EPB41L4A: variants seen among roughly 807,000 people sequenced by gnomAD.
EPB41L4A encodes band 4.1-like protein 4A.
A neutral mutation model predicts 108.6 loss-of-function variants in EPB41L4A; 100 were observed. The ratio of observed to expected loss-of-function variants is 0.92; its 90% confidence interval spans 0.78 to 1.09. EPB41L4A has a LOEUF of 1.09. Among genes scored for constraint, EPB41L4A ranks in the 50% least tolerant of loss-of-function variants. EPB41L4A has a pLI of 0.00. For missense variants in EPB41L4A, 1,030 were observed against 842.7 expected (o/e 1.22, Z -2.75); for synonymous variants, 319 against 289.0 (o/e 1.10, Z -1.05).
chr5:112,378,527 T>C (rs1759965095), intron 1 of EPB41L4A, among the ~76,000 whole-genome samples: 1 of 152,152 alleles, frequency 6.6e-6, no homozygotes, highest in Non-Finnish European at 1.5e-5. Context: ...TTCCCAGACA[T>C]TGTTTCCTCG....
chr5:112,235,774 G>A (rs1580494758), intron 11 of EPB41L4A, among the ~76,000 whole-genome samples: 1 of 152,174 alleles, frequency 6.6e-6, no homozygotes, highest in African/African-American at 2.4e-5. Flanking sequence ...ATCAGGCTAA[G>A]TTGGGACGTG....
intron 1 of EPB41L4A, among the ~76,000 whole-genome samples, chr5:112,395,836 G>T (rs1028866754): frequency 3.3e-5 from 5 of 152,118 alleles, no homozygotes; most frequent in Admixed American, 2.0e-4. Flanking sequence ...CAAAGACTTG[G>T]AACCAACCCA....
intron 1 of EPB41L4A, among the ~76,000 whole-genome samples, chr5:112,324,871 A>G (rs1756042827): frequency 6.6e-6 from 1 of 151,608 alleles, no homozygotes; most frequent in African/African-American, 2.4e-5. Context: ...AAAACAAATG[A>G]AAAGAATAAA....
chr5:112,380,891 A>G (rs73214239), intron 1 of EPB41L4A, among the ~76,000 whole-genome samples: 1 of 152,070 alleles, frequency 6.6e-6, no homozygotes, highest in Non-Finnish European at 1.5e-5. Context: ...ACTGATATTT[A>G]GAAACCATCC....
At position 112,176,263 on chromosome 5, in the gene EPB41L4A, A is replaced by G. The variant is rs115337044; in HGVS notation, c.1623-5271T>C. 7.0e-3 allele frequency among the ~76,000 whole-genome samples: 1,066 copies of G among 152,314 alleles called. 12 individuals are homozygous for G. The highest frequency in any genetic ancestry group is 0.031 in the South Asian group (150 of 4,816). On this transcript the variant is annotated intron_variant, in intron 18 of 22. Transcript: ENST00000261486. ...CAGAATGCAAACAACAGCACCCAGCAGGTATTTTATTAATTGTCAATCAAT... is the reference window on the plus strand; with the variant it reads ...CAGAATGCAAACAACAGCACCCAGCGGGTATTTTATTAATTGTCAATCAAT...
At chr5:112,175,341 T>C (rs1236039051) in intron 18 of EPB41L4A, 4 of 152,236 alleles carry the variant, frequency 2.6e-5, no homozygotes, top group Admixed American at 1.3e-4. Flanking sequence ...CAACTGTAGC[T>C]GAAAAATGTA....
chr5:112,278,254 A>AT lies in EPB41L4A; in HGVS notation c.256+2017dup, dbSNP rs199773939. Among the ~76,000 whole-genome samples, 117 of 147,380 alleles carry AT rather than the reference A, an allele frequency of 7.9e-4. 1 individual carries two copies. The highest frequency in any genetic ancestry group is 2.2e-3 in the East Asian group (11 of 5,058). On this transcript the variant is annotated intron_variant, in intron 3 of 22. Coordinates refer to ENST00000261486, the MANE Select transcript of EPB41L4A (RefSeq NM_022140.5). ...GTTGTTTTATTCTTACTATACATCA[A>AT]TTTTTTTTTTTTTGAGATGGAGTCT...
chr5:112,355,386 T>C (rs551966638), intron 1 of EPB41L4A, among the ~76,000 whole-genome samples: 4 of 152,318 alleles, frequency 2.6e-5, no homozygotes, highest in Admixed American at 2.0e-4. Flanking sequence ...CTTCACAGAC[T>C]AAAGATCCTT....
At chr5:112,237,972 T>A (rs139195533) in intron 11 of EPB41L4A, among the ~76,000 whole-genome samples, 97 of 152,300 alleles carry the variant, frequency 6.4e-4, no homozygotes, top group African/African-American at 2.1e-3. Context: ...TGATACTTAA[T>A]ATGCAAAATC....
chr5:112,146,661 T>C (rs1386698982), intron 12 of EPB41L4A, among the ~76,000 whole-genome samples: 1 of 152,194 alleles, frequency 6.6e-6, no homozygotes, highest in African/African-American at 2.4e-5. Context: ...AACCAAATCA[T>C]ACCTGACTTA....
At chr5:112,298,523 C>T (rs1054298587) in intron 2 of EPB41L4A, among the ~76,000 whole-genome samples, 8 of 152,090 alleles carry the variant, frequency 5.3e-5, no homozygotes, top group African/African-American at 1.9e-4. Flanking sequence ...CCCTGCATTC[C>T]TGGTATGAAA....
Position 112,169,042 on chromosome 5 carries a change from G to A in EPB41L4A, c.1803C>T (p.Arg601=). 6.2e-7 allele frequency: 1 copy of A among 1,614,128 alleles called. No homozygotes were observed. Among genetic ancestry groups the A allele is most frequent in the African/African-American group, 1.3e-5 (1 of 75,030 alleles). The change falls in exon 21 of 23, where the codon CGC becomes CGT. Residue 601 remains arginine (R), a synonymous_variant. Transcript: ENST00000261486. ...SHSPRSYRQY[R]RSQCSDGERS... is the part of the protein sequence containing the mutation. The stretch of plus-strand genomic sequence containing the variant: ...GCTCCCCATCTGAACACTGGGACCT[G>A]CGATACTGGCGGTAACTTCGTGGCG...
At chr5:112,396,897 A>G (rs1580827488) in intron 1 of EPB41L4A, among the ~76,000 whole-genome samples, 2 of 152,362 alleles carry the variant, frequency 1.3e-5, no homozygotes, top group Admixed American at 1.3e-4. Context: ...TGCAATGACC[A>G]ACATGGTGCA....
rs552334733 is a variant in EPB41L4A, at chr5:112,260,221, C to T, written c.643-242G>A. On this transcript the variant is annotated intron_variant, in intron 7 of 22. Transcript: ENST00000261486. ...TGTTACTTCAGTTCATTAAAATGAGCCTGGGCTACCAGTCAGGCCAATGGG... is the reference window on the plus strand; with the variant it reads ...TGTTACTTCAGTTCATTAAAATGAGTCTGGGCTACCAGTCAGGCCAATGGG... Among the ~76,000 whole-genome samples, 182 of 152,260 alleles carry T rather than the reference C, an allele frequency of 1.2e-3. 1 individual carries two copies. The highest frequency in any genetic ancestry group is 1.8e-3 in the Admixed American group (28 of 15,304).
intron 1 of EPB41L4A, among the ~76,000 whole-genome samples, chr5:112,395,122 G>A (rs1761243487): frequency 6.6e-6 from 1 of 152,178 alleles, no homozygotes; most frequent in African/African-American, 2.4e-5. Context: ...TTAAATGTTA[G>A]CCCTAAAACC....
At chr5:112,412,882 A>T (rs1284410364) in intron 1 of EPB41L4A, among the ~76,000 whole-genome samples, 3 of 152,188 alleles carry the variant, frequency 2.0e-5, no homozygotes, top group Non-Finnish European at 4.4e-5. Flanking sequence ...GAAAAATATA[A>T]TTTTTTCATA....
Position 112,234,750 on chromosome 5 carries a change from C to T in EPB41L4A, c.971G>A (p.Arg324Lys), listed in dbSNP as rs1306943751. The T allele has an allele frequency of 1.2e-6, 2 of 1,609,774 alleles. No individual in the cohort carries two copies. The highest frequency in any genetic ancestry group is 1.6e-4 in the Middle Eastern group (1 of 6,068). ...SIRYKHRYSGRTALQMSRDLS... is the reference protein window; with the variant it reads ...SIRYKHRYSGKTALQMSRDLS... ...ATCTCGGCTCATTTGCAAAGCTGTC[C>T]TGCCACTTGAGAGTGCAACATTTTG... The change falls in exon 12 of 23, where the codon AGG becomes AAG. Residue 324 changes from arginine to lysine, a missense_variant. By Grantham distance (26) the Arg-to-Lys change is conservative (BLOSUM62 2). Coordinates refer to ENST00000261486, the MANE Select transcript of EPB41L4A (RefSeq NM_022140.5).
intron 9 of EPB41L4A, chr5:112,249,054 T>C (rs1346038705): frequency 2.0e-5 from 3 of 152,150 alleles, no homozygotes; most frequent in African/African-American, 4.8e-5. Context: ...AGATACACAG[T>C]GTAGGTCATC....
At chr5:112,205,235 T>C (rs1423097314) in intron 14 of EPB41L4A, among the ~76,000 whole-genome samples, 186 bp downstream of exon 14, 2 of 151,270 alleles carry the variant, frequency 1.3e-5, no homozygotes, top group Non-Finnish European at 2.9e-5. Context: ...TTATAAAACA[T>C]ACTGTTGATT....
Sources: gnomAD v4.1 joint callset for allele counts (sites outside exome capture counted in the v4.1 genomes callset) on GRCh38, gnomAD v4.1.1 for gene constraint, MANE v1.5 for transcripts, NCBI Gene and HGNC (gene_info 2026-07-23, HGNC 2026-07-21) for gene names.